Variants in IPO13 observed in about 807,000 individuals in gnomAD.
IPO13 encodes the protein importin-13.
A neutral mutation model predicts 115.5 loss-of-function variants in IPO13; 28 were observed. That is an observed-to-expected ratio of 0.24 (90% CI 0.18 to 0.33). IPO13 has a LOEUF of 0.33. Among genes scored for constraint, IPO13 ranks in the 10% least tolerant of loss-of-function variants. The pLI, the probability that IPO13 is intolerant of heterozygous loss-of-function variation, is 1.00. For synonymous variants in IPO13, 414 were observed against 478.9 expected (o/e 0.86, Z 1.77); for missense variants, 785 against 1,204.6 (o/e 0.65, Z 5.16).
Position 43,956,419 on chromosome 1 carries a change from C to T in IPO13, c.921C>T (p.Gly307=), listed in dbSNP as rs776900075. The T allele has an allele frequency of 6.2e-7, 1 of 1,614,188 alleles. No homozygotes were observed. The highest frequency in any genetic ancestry group is 1.1e-5 in the South Asian group (1 of 91,086). ...VQNGDMETSH[G]ICRIAVALGE... ...ATGGGGACATGGAGACCTCCCATGGCATCTGTCGCATCGCTGTGGCCCTGG... is the reference window on the plus strand; with the variant it reads ...ATGGGGACATGGAGACCTCCCATGGTATCTGTCGCATCGCTGTGGCCCTGG... The change falls in exon 3 of 20, where the codon GGC becomes GGT. Residue 307 remains glycine, a synonymous_variant. Coordinates refer to ENST00000372343, the MANE Select transcript of IPO13 (RefSeq NM_014652.4). This position sits in a 1 kb window ranked among gnomAD's most constrained non-coding sequence, Gnocchi z 4.7.
Position 43,954,727 on chromosome 1 carries a change from G to A in IPO13, c.822-1593G>A, listed in dbSNP as rs539319763. Among the ~76,000 whole-genome samples, 49 of 152,298 alleles carry A rather than the reference G, an allele frequency of 3.2e-4. No homozygotes were observed. In the South Asian group the frequency reaches 9.9e-3, roughly 31 times the overall value. On this transcript the variant is annotated intron_variant, in intron 2 of 19. Coordinates refer to ENST00000372343, the MANE Select transcript of IPO13 (RefSeq NM_014652.4). Reference sequence around the variant, plus strand: ...AGAGATCATTGTGTTTCAGGGCTGTGATCTGGACCCTCTTATTTTTTTCTC... The same window carrying A: ...AGAGATCATTGTGTTTCAGGGCTGTAATCTGGACCCTCTTATTTTTTTCTC...
chr1:43,964,848 G>A (rs957229315), intron 15 of IPO13, among the ~76,000 whole-genome samples: 1 of 152,190 alleles, frequency 6.6e-6, no homozygotes, highest in African/African-American at 2.4e-5. Context: ...TGGAGTGCAG[G>A]CTCCATGCTA....
At chr1:43,962,031 G>A (rs139387363) in intron 14 of IPO13, among the ~76,000 whole-genome samples, 10 of 152,252 alleles carry the variant, frequency 6.6e-5, no homozygotes, top group East Asian at 3.9e-4. Flanking sequence ...AGCCTCATGA[G>A]CCTTGCCTGG....
At chr1:43,957,016 A>G in intron 5 of IPO13, 40 bp downstream of exon 5, 1 of 1,603,822 alleles carries the variant, frequency 6.2e-7, no homozygotes, top group Middle Eastern at 1.7e-4. Flanking sequence ...TGGAGTCCAG[A>G]AATAATGAAG....
Position 43,949,499 on chromosome 1 carries a change from C to T in IPO13, c.167C>T (p.Pro56Leu), listed in dbSNP as rs1419085498. The stretch of plus-strand genomic sequence containing the variant: ...TGGCTGATGCAGGCCCAGGTCTCCC[C>T]ACAGGCCTGGCACTTCAGCTGGCAG... ...QKWLMQAQVS[P>L]QAWHFSWQLL... is the part of the protein sequence containing the mutation. Residue 56 changes from proline (P) to leucine (L), a missense_variant, in exon 2 of 20, where the codon CCA becomes CTA. By Grantham distance (98) the Pro-to-Leu change is moderately conservative. Transcript: ENST00000372343. 1 of 1,614,180 alleles carries T rather than the reference C, an allele frequency of 6.2e-7. No individual in the cohort carries two copies. The highest frequency in any genetic ancestry group is 1.1e-5 in the South Asian group (1 of 91,086).
rs780508876 is a variant in IPO13 at position 43,966,653 on chromosome 1, G to A, written c.2464+12G>A. 17 of 1,614,122 alleles carry A rather than the reference G, an allele frequency of 1.1e-5. No homozygotes were observed. Among genetic ancestry groups the A allele is most frequent in the Middle Eastern group, 1.6e-4 (1 of 6,062 alleles). ...TGTGTTCCAGTGTGGTAAGTGGGGC[G>A]AGATGGACAGGTGGGCCTGGGGCTC... On this transcript the variant is annotated intron_variant, in intron 16 of 19. Transcript: ENST00000372343. The surrounding 1 kb of genome is among the most constrained non-coding windows in gnomAD (Gnocchi z 4.1).
Position 43,949,818 on chromosome 1 carries a change from C to T in IPO13, c.486C>T (p.Arg162=). The T allele has an allele frequency of 6.2e-7, 1 of 1,613,850 alleles. No individual in the cohort carries two copies. Among genetic ancestry groups the T allele is most frequent in the Non-Finnish European group, 8.5e-7 (1 of 1,179,960 alleles). The change falls in exon 2 of 20, where the codon CGC becomes CGT. Residue 162 remains arginine, a synonymous_variant. Transcript: ENST00000372343. The stretch of plus-strand genomic sequence containing the variant: ...ACTCACCAGTGGATGGGCAGGGCCG[C>T]TGCCTAGCCCTGTTAGAGCTGCTGA... ...AEDSPVDGQG[R]CLALLELLTV... is the part of the protein sequence containing the mutation.
rs758481661 is a variant in IPO13 at position 43,960,945 on chromosome 1, C to T, written c.2179C>T (p.Leu727=). ...TGACTTTGCCCCCATGGTGCCACAG[C>T]TGTGTGAGATGCTGGGTCGGATGTA... The part of the protein sequence containing the change: ...LDDFAPMVPQ[L]CEMLGRMYST... The change falls in exon 13 of 20, where the codon CTG becomes TTG. Residue 727 remains leucine (L), a synonymous_variant. Coordinates refer to ENST00000372343, the MANE Select transcript of IPO13 (RefSeq NM_014652.4). The T allele has an allele frequency of 6.2e-7, 1 of 1,614,224 alleles. No individual in the cohort carries two copies. The highest frequency in any genetic ancestry group is 2.2e-5 in the East Asian group (1 of 44,884).
intron 11 of IPO13, 112 bp from the exon 12 acceptor site, chr1:43,960,137 T>C: frequency 1.1e-6 from 1 of 910,764 alleles, no homozygotes; most frequent in African/African-American, 1.6e-5. Context: ...CCTCAATGTG[T>C]GTTCTGGGGT....
chr1:43,959,260 T>C (rs1571768648), intron 11 of IPO13, among the ~76,000 whole-genome samples: 1 of 152,332 alleles, frequency 6.6e-6, no homozygotes, highest in South Asian at 2.1e-4. Context: ...CTTCAACATT[T>C]ACTGTCCCCT....
chr1:43,950,924 C>G (rs1205884047), intron 2 of IPO13, among the ~76,000 whole-genome samples: 1 of 152,200 alleles, frequency 6.6e-6, no homozygotes, highest in African/African-American at 2.4e-5. Context: ...CATGATTTCT[C>G]TCACCTCTGT....
Position 43,967,188 on chromosome 1 carries a change from CA to C in IPO13, c.2614-122del. On this transcript the variant is annotated intron_variant, in intron 18 of 19. Coordinates refer to ENST00000372343, the MANE Select transcript of IPO13 (RefSeq NM_014652.4). This position sits in a 1 kb window ranked among gnomAD's most constrained non-coding sequence, Gnocchi z 6.1. ...ATTGCTGTGGGGATCAGCTGGCTCT[CA>C]AAAAGCAGCGCTCACTGTGATGTGC... 2 of 1,166,438 alleles carry C rather than the reference CA, an allele frequency of 1.7e-6. No individual in the cohort carries two copies. The highest frequency in any genetic ancestry group is 2.5e-6 in the Non-Finnish European group (2 of 797,206). 72.3% of individuals were successfully genotyped at this position (1,166,438 alleles called of 1,614,324 possible).
Position 43,949,511 on chromosome 1 carries a change from A to G in IPO13, c.179A>G (p.His60Arg). 1 of 1,614,166 alleles carries G rather than the reference A, an allele frequency of 6.2e-7. No homozygotes were observed. Among genetic ancestry groups the G allele is most frequent in the Non-Finnish European group, 8.5e-7 (1 of 1,180,006 alleles). Reference sequence around the variant, plus strand: ...GCCCAGGTCTCCCCACAGGCCTGGCACTTCAGCTGGCAGCTACTGCAGCCC... The same window carrying G: ...GCCCAGGTCTCCCCACAGGCCTGGCGCTTCAGCTGGCAGCTACTGCAGCCC... ...MQAQVSPQAW[H>R]FSWQLLQPDK... Residue 60 changes from histidine (H) to arginine (R), a missense_variant, in exon 2 of 20, where the codon CAC (histidine) becomes CGC (arginine). This residue lies in a region of IPO13 where 325 missense variants were observed against 449.8 expected (regional missense o/e 0.72). Transcript: ENST00000372343.
In IPO13 at chr1:43,958,681, G is replaced by T; in HGVS notation, c.1885-65G>T. 6.2e-7 allele frequency: 1 copy of T among 1,612,534 alleles called. No individual in the cohort carries two copies. The highest frequency in any genetic ancestry group is 8.5e-7 in the Non-Finnish European group (1 of 1,178,780). ...GTTGGAGCTGGCCCTCAGAGCTGAG[G>T]CTCAGTGATCTGGGGACCAAACTGG... On this transcript the variant is annotated intron_variant, in intron 10 of 19. Transcript: ENST00000372343. The surrounding 1 kb of genome is among the most constrained non-coding windows in gnomAD (Gnocchi z 6.3).
chr1:43,947,032 G>A lies in IPO13; in HGVS notation c.-569G>A, dbSNP rs1471805701. On this transcript the variant is annotated 5_prime_UTR_variant, in exon 1 of 20. Transcript: ENST00000372343. ...CGTTGAGCACAGCGCGGGCCAGGCCGAACGGAAGGGACCTGCCACAGCCCC... is the reference window on the plus strand; with the variant it reads ...CGTTGAGCACAGCGCGGGCCAGGCCAAACGGAAGGGACCTGCCACAGCCCC... 1.0e-5 allele frequency: 4 copies of A among 398,610 alleles called. No individual in the cohort carries two copies. In the East Asian group the frequency reaches 1.4e-4, roughly 14 times the overall value. 24.7% of individuals were successfully genotyped at this position (398,610 alleles called of 1,614,324 possible).
At chr1:43,961,322 A>T in intron 14 of IPO13, 60 bp downstream of exon 14, 8 of 1,339,282 alleles carry the variant, frequency 6.0e-6, no homozygotes, top group East Asian at 2.3e-5. Context: ...GCTTCCCCAA[A>T]TGGGGAGCCA....
At chr1:43,950,202 A>ACATC (rs757290199) in intron 2 of IPO13, 49 bp downstream of exon 2, 18 of 1,549,884 alleles carry the variant, frequency 1.2e-5, no homozygotes, top group South Asian at 2.5e-5. Flanking sequence ...GGCCAGCCAC[A>ACATC]CATCCATCCA....
Position 43,947,549 on chromosome 1 carries a change from C to G in IPO13, c.-52C>G. 9.4e-7 allele frequency: 1 copy of G among 1,069,268 alleles called. No homozygotes were observed. The allele number at this position is 1,069,268 out of a possible 1,614,324, so 66.2% of individuals were successfully genotyped here. A position where few individuals can be genotyped will look rare whatever the true frequency, so the allele number is the denominator to read the frequency against. On this transcript the variant is annotated 5_prime_UTR_variant, in exon 1 of 20. Coordinates refer to ENST00000372343, the MANE Select transcript of IPO13 (RefSeq NM_014652.4). ...TAGCAGGGGGCCAGCAGCCAAGGGG[C>G]TGGGGCAGGAGACAGATCAGGGCCC...
At position 43,967,045 on chromosome 1, in the gene IPO13, A is replaced by T. The variant is rs1385121034; in HGVS notation, c.2613+26A>T. 6.9e-6 allele frequency: 11 copies of T among 1,588,682 alleles called. No homozygotes were observed. Among genetic ancestry groups the T allele is most frequent in the African/African-American group, 1.3e-5 (1 of 74,304 alleles). ...GTGAGACGGAGCAAAGGGGGGTTTG[A>T]TGGGGGTGAGGGCCCCTCACTGCTG... On this transcript the variant is annotated intron_variant, in intron 18 of 19. Coordinates refer to ENST00000372343, the MANE Select transcript of IPO13 (RefSeq NM_014652.4). The surrounding 1 kb of genome is among the most constrained non-coding windows in gnomAD (Gnocchi z 6.1).
Sources: allele counts gnomAD v4.1 joint callset (sites outside exome capture counted in the v4.1 genomes callset), GRCh38; gene constraint gnomAD v4.1.1; regional missense constraint gnomAD v4.1.1; non-coding constraint Gnocchi (gnomAD v3.1); transcripts MANE v1.5; gene names NCBI Gene and HGNC (gene_info 2026-07-23, HGNC 2026-07-21).